CCDC171: variants seen among roughly 807,000 people sequenced by gnomAD.
The protein encoded by CCDC171 is coiled-coil domain-containing protein 171.
A neutral mutation model predicts 168.2 loss-of-function variants in CCDC171; 177 were observed. That is an observed-to-expected ratio of 1.05 (90% confidence interval 0.93 to 1.19). The LOEUF (loss-of-function observed/expected upper bound fraction) is 1.19. Ranked by LOEUF, CCDC171 falls within the 50% of genes most tolerant of loss-of-function variation. The pLI is 0.00. For missense variants in CCDC171, 1,991 were observed against 1,539.0 expected (o/e 1.29, Z -4.91); for synonymous variants, 687 against 540.8 (o/e 1.27, Z -3.75).
In CCDC171 at chr9:15,623,462, TATGCGCGC is replaced by T. The variant is rs1358676186; in HGVS notation, c.822+50_822+57del. ...ATATATATGCGTACAAACTTTCACATATGCGCGCGCGCGCACACACACACACACACACA... is the reference window on the plus strand; with the variant it reads ...ATATATATGCGTACAAACTTTCACATGCGCGCACACACACACACACACACA... On this transcript the variant is annotated intron_variant, in intron 7 of 25. Transcript: ENST00000380701. The T allele has an allele frequency of 8.2e-6, 4 of 486,742 alleles. 1 individual carries two copies. The highest frequency in any genetic ancestry group is 1.6e-4 in the East Asian group (2 of 12,324). 30.2% of individuals were successfully genotyped at this position (486,742 alleles called of 1,614,324 possible).
intron 23 of CCDC171, among the ~76,000 whole-genome samples, chr9:15,863,168 G>A (rs975467458): frequency 6.6e-6 from 1 of 151,976 alleles, no homozygotes; most frequent in African/African-American, 2.4e-5. Flanking sequence ...GACATTGTAC[G>A]CACAGTCCAA....
At chr9:16,103,217 A>G in the CCDC171 span, among the ~76,000 whole-genome samples, 1 of 152,180 alleles carries the variant, frequency 6.6e-6, no homozygotes, top group African/African-American at 2.4e-5. Flanking sequence ...TAACAAAGAT[A>G]AGGGGGATTT....
At chr9:15,889,198 T>C (rs1819871169) in intron 24 of CCDC171, 1 of 151,968 alleles carries the variant, frequency 6.6e-6, no homozygotes, top group African/African-American at 2.4e-5. Context: ...TAACGTCAAA[T>C]GATCCACCTG....
chr9:16,064,320 A>G (rs1351360792), downstream of CCDC171, among the ~76,000 whole-genome samples: 1 of 152,162 alleles, frequency 6.6e-6, no homozygotes, highest in Non-Finnish European at 1.5e-5. Flanking sequence ...CCATTCATCT[A>G]TGAAGATGGC....
At chr9:15,584,635 T>G (rs1213065915) in intron 4 of CCDC171, among the ~76,000 whole-genome samples, 2 of 152,136 alleles carry the variant, frequency 1.3e-5, no homozygotes, top group Admixed American at 1.3e-4. Flanking sequence ...TTTCTAGATT[T>G]TATATCTTGC....
intron 21 of CCDC171, among the ~76,000 whole-genome samples, chr9:15,809,038 C>T (rs76669747): frequency 9.9e-5 from 15 of 152,120 alleles, no homozygotes; most frequent in East Asian, 5.8e-4. Context: ...GCACTAATCC[C>T]GATTTTGAGT....
At chr9:16,060,710 T>G (rs552903096) in exon 2 of CCDC171, 1 of 152,348 alleles carries the variant, frequency 6.6e-6, no homozygotes, top group African/African-American at 2.4e-5. Flanking sequence ...GAAGGCTTTG[T>G]GAAGAAGGAA....
intron 21 of CCDC171, among the ~76,000 whole-genome samples, chr9:15,825,484 G>T (rs955078008): frequency 3.3e-5 from 5 of 152,098 alleles, no homozygotes; most frequent in Admixed American, 6.6e-5. Flanking sequence ...ATTACAAATA[G>T]AAAGTTAATT....
intron 9 of CCDC171, among the ~76,000 whole-genome samples, chr9:15,668,624 C>G (rs891893140): frequency 6.6e-6 from 1 of 152,048 alleles, no homozygotes; most frequent in Non-Finnish European, 1.5e-5. Context: ...ATTTCTGTGA[C>G]TTTCCTTTTC....
At chr9:15,590,154 G>T (rs1029206657) in intron 4 of CCDC171, among the ~76,000 whole-genome samples, 13 of 152,222 alleles carry the variant, frequency 8.5e-5, no homozygotes, top group Non-Finnish European at 1.5e-4. Flanking sequence ...TTCCTGCAAT[G>T]CTGGATGAGA....
At chr9:15,759,503 GC>G (rs2056329621) in intron 18 of CCDC171, among the ~76,000 whole-genome samples, 1 of 152,108 alleles carries the variant, frequency 6.6e-6, no homozygotes, top group Non-Finnish European at 1.5e-5. Context: ...TCTTTATATA[GC>G]AGAAGGATCT....
chr9:15,692,482 C>G (rs757836317), intron 10 of CCDC171, among the ~76,000 whole-genome samples: 21 of 151,670 alleles, frequency 1.4e-4, no homozygotes, highest in Admixed American at 2.0e-4. Flanking sequence ...AATGAAATCT[C>G]TCTCTTAATC....
intron 10 of CCDC171, among the ~76,000 whole-genome samples, chr9:15,688,913 A>G (rs1397845197): frequency 6.6e-6 from 1 of 152,316 alleles, no homozygotes; most frequent in South Asian, 2.1e-4. Context: ...GAAGTAAATT[A>G]TCTATTTGCA....
chr9:15,690,172 C>T (rs1204695161), intron 10 of CCDC171, among the ~76,000 whole-genome samples: 1 of 152,126 alleles, frequency 6.6e-6, no homozygotes, highest in Non-Finnish European at 1.5e-5. Context: ...GTAGGGACAA[C>T]ACTGTTCTAA....
chr9:15,625,387 T>G (rs1327256124), intron 7 of CCDC171, among the ~76,000 whole-genome samples: 1 of 152,224 alleles, frequency 6.6e-6, no homozygotes, highest in South Asian at 2.1e-4. Flanking sequence ...ATGAAGTCCT[T>G]CCCCATGCCT....
chr9:15,913,252 C>G (rs945901847), intron 24 of CCDC171, among the ~76,000 whole-genome samples: 1 of 152,072 alleles, frequency 6.6e-6, no homozygotes, highest in Non-Finnish European at 1.5e-5. Context: ...CTGGTTTAGT[C>G]TTGGGTGGGT....
chr9:15,848,869 C>G (rs201258378), intron 22 of CCDC171, 24 bp from the exon 23 acceptor site: 36 of 1,430,144 alleles, frequency 2.5e-5, no homozygotes, highest in Non-Finnish European at 3.2e-5. Flanking sequence ...GTTTTACTAA[C>G]ACTTAATCTT....
intron 18 of CCDC171, among the ~76,000 whole-genome samples, chr9:15,745,971 G>C (rs2055245853): frequency 6.6e-6 from 1 of 151,762 alleles, no homozygotes; most frequent in Admixed American, 6.6e-5. Context: ...TCTACTTCTG[G>C]CTGTAAATTT....
the CCDC171 span, among the ~76,000 whole-genome samples, chr9:16,102,416 A>C: frequency 6.8e-6 from 1 of 146,150 alleles, no homozygotes; most frequent in East Asian, 2.0e-4. Flanking sequence ...TAAACAGGTC[A>C]TCTCAGCCAA....
Sources: gnomAD v4.1 joint callset for allele counts (sites outside exome capture counted in the v4.1 genomes callset) on GRCh38, gnomAD v4.1.1 for gene constraint, MANE v1.5 for transcripts, NCBI Gene and HGNC (gene_info 2026-07-23, HGNC 2026-07-21) for gene names.